RAB5A: variants seen among roughly 807,000 people sequenced by gnomAD.
The protein encoded by RAB5A is RAB5A, member RAS oncogene family.
Under a neutral mutation model 25.7 loss-of-function variants are expected in RAB5A, and 8 were observed. The observed-to-expected ratio is 0.31, with a 90% CI of 0.18 to 0.56. The LOEUF is 0.56. Ranked by LOEUF, RAB5A falls within the 20% of genes least tolerant of loss-of-function variation. The probability of loss-of-function intolerance (pLI) is 0.91; values close to 1 mark genes in which losing one functional copy is unlikely to be tolerated. For synonymous variants in RAB5A, 98 were observed against 89.8 expected (o/e 1.09, Z -0.52); for missense variants, 192 against 259.7 (o/e 0.74, Z 1.79).
intron 2 of RAB5A, among the ~76,000 whole-genome samples, chr3:19,957,043 G>A (rs1696514243): frequency 1.3e-5 from 2 of 148,860 alleles, no homozygotes; most frequent in Admixed American, 1.3e-4. Flanking sequence ...GCCTCAAGTG[G>A]TCCTCCCAGG....
At chr3:19,983,070 C>A (rs1431167604) in intron 5 of RAB5A, among the ~76,000 whole-genome samples, 1 of 152,160 alleles carries the variant, frequency 6.6e-6, no homozygotes, top group Non-Finnish European at 1.5e-5. Flanking sequence ...GGTGCCATGG[C>A]TCACGCCTAT....
chr3:19,975,557 AT>A (rs1190827001), intron 2 of RAB5A, 43 bp from the exon 3 acceptor site: 1 of 1,588,646 alleles, frequency 6.3e-7, no homozygotes, highest in Non-Finnish European at 8.6e-7. Context: ...TTATGAAAAC[AT>A]TTGGAGAAAA....
At chr3:19,977,916 G>T (rs1255670808) in intron 4 of RAB5A, among the ~76,000 whole-genome samples, 3 of 152,222 alleles carry the variant, frequency 2.0e-5, no homozygotes, top group South Asian at 4.1e-4. Context: ...TTTGAAGCCA[G>T]TGTTAGATAT....
rs750200645 is a variant in RAB5A at position 19,966,586 on chromosome 3, A to G, written c.164-9015A>G. ...AATTGCTGGATCATATGGTGATTCT[A>G]TCTTTAATATATTTGAGAAATCTCT... On this transcript the variant is annotated intron_variant, in intron 2 of 5. Coordinates refer to ENST00000273047, the MANE Select transcript of RAB5A (RefSeq NM_004162.5). 3.3e-5 allele frequency among the ~76,000 whole-genome samples: 5 copies of G among 152,192 alleles called. 1 individual carries two copies. In the South Asian group the frequency reaches 6.2e-4, roughly 19 times the overall value.
intron 2 of RAB5A, among the ~76,000 whole-genome samples, chr3:19,953,611 T>A (rs1258480772): frequency 6.6e-6 from 1 of 152,144 alleles, no homozygotes; most frequent in Non-Finnish European, 1.5e-5. Flanking sequence ...TTTCACCATG[T>A]CGGTCGGGTT....
chr3:19,957,939 T>G (rs1362992828), intron 2 of RAB5A, among the ~76,000 whole-genome samples: 1 of 152,058 alleles, frequency 6.6e-6, no homozygotes, highest in Admixed American at 6.5e-5. Context: ...AGCCAGAAAA[T>G]TTAAATCCAA....
rs1458399542 is a variant in RAB5A, at chr3:19,975,664, C to T, written c.227C>T (p.Thr76Ile). ...ACAGTAAAGTTTGAAATATGGGATA[C>T]AGCTGGTCAAGAACGATACCATAGC... ...DTTVKFEIWD[T>I]AGQERYHSLA... Residue 76 changes from threonine (T) to isoleucine (I), a missense_variant, in exon 3 of 6, where the codon ACA becomes ATA. By Grantham distance (89) the Thr-to-Ile change is moderately conservative (BLOSUM62 -1). Around this residue, in one of 3 missense-constraint regions of RAB5A, gnomAD observed 39 missense variants for 91.6 expected, o/e 0.43. Transcript: ENST00000273047. 6.2e-7 allele frequency: 1 copy of T among 1,613,850 alleles called. No individual in the cohort carries two copies. Among genetic ancestry groups the T allele is most frequent in the Non-Finnish European group, 8.5e-7 (1 of 1,179,864 alleles).
At chr3:19,977,342 A>G (rs7616422) in intron 4 of RAB5A, among the ~76,000 whole-genome samples, 109,500 of 152,080 alleles carry the variant, frequency 0.72, 40,092 homozygotes, top group Non-Finnish European at 0.77. Context: ...CAAAAGTGCT[A>G]GGATTACAGG....
At chr3:19,962,542 C>T (rs1483717186) in intron 2 of RAB5A, among the ~76,000 whole-genome samples, 1 of 151,908 alleles carries the variant, frequency 6.6e-6, no homozygotes, top group African/African-American at 2.4e-5. Flanking sequence ...GCATTTCAGC[C>T]TGGGCAACAG....
At chr3:19,975,998 G>C (rs4858121) in intron 3 of RAB5A, 49 bp from the exon 4 acceptor site, 917,817 of 1,578,724 alleles carry the variant, frequency 0.58, 276,838 homozygotes, top group Non-Finnish European at 0.63. Flanking sequence ...AAGATGCTTG[G>C]TAACCATTTT....
chr3:19,976,401 A>G (rs537618443), intron 4 of RAB5A, among the ~76,000 whole-genome samples: 2 of 152,286 alleles, frequency 1.3e-5, no homozygotes, highest in East Asian at 3.9e-4. Context: ...CTTAAACAAT[A>G]AAGGCCGGGT....
chr3:19,978,229 T>C, intron 4 of RAB5A, 81 bp from the exon 5 acceptor site: 1 of 921,888 alleles, frequency 1.1e-6, no homozygotes, highest in Non-Finnish European at 1.8e-6. Context: ...AAAGTCTCCT[T>C]TTCTATAACA....
chr3:19,975,447 C>G (rs530787211), intron 2 of RAB5A, 154 bp from the exon 3 acceptor site: 4 of 617,602 alleles, frequency 6.5e-6, no homozygotes, highest in Non-Finnish European at 1.0e-5. Context: ...TTTTTTTTCC[C>G]CCCTCATTTA....
intron 2 of RAB5A, among the ~76,000 whole-genome samples, chr3:19,953,532 C>T (rs1473936229): frequency 6.6e-6 from 1 of 151,888 alleles, no homozygotes; most frequent in African/African-American, 2.4e-5. Flanking sequence ...CTCAGCCCCC[C>T]AAGTAGCTGG....
chr3:19,971,213 A>AC (rs532249684), intron 2 of RAB5A, among the ~76,000 whole-genome samples: 45,228 of 146,210 alleles, frequency 0.31, 8,682 homozygotes, highest in Non-Finnish European at 0.44. Context: ...AAAAAAAAAA[A>AC]AACACTATAG....
chr3:19,974,724 A>AAAAAAAAAAG (rs1275887919), intron 2 of RAB5A, among the ~76,000 whole-genome samples: 1 of 151,588 alleles, frequency 6.6e-6, no homozygotes, highest in Non-Finnish European at 1.5e-5. Flanking sequence ...GTGTCTCAGA[A>AAAAAAAAAAG]AAAGAAAAAA....
intron 1 of RAB5A, chr3:19,947,826 T>C (rs2125175569): frequency 6.6e-6 from 1 of 152,620 alleles, no homozygotes; most frequent in Non-Finnish European, 1.5e-5. Context: ...CCGCCTGGTC[T>C]CCGTCCTGGC....
chr3:19,954,497 C>A (rs1244135477), intron 2 of RAB5A, among the ~76,000 whole-genome samples: 1 of 152,074 alleles, frequency 6.6e-6, no homozygotes, highest in Non-Finnish European at 1.5e-5. Context: ...TTGTGTGGTT[C>A]TTCCTAAATA....
intron 2 of RAB5A, among the ~76,000 whole-genome samples, chr3:19,962,645 A>G (rs556174480): frequency 7.2e-5 from 11 of 152,130 alleles, no homozygotes; most frequent in Non-Finnish European, 7.3e-5. Flanking sequence ...CTGTAACAGT[A>G]TTCCCTTGCA....
Sources: gnomAD v4.1 joint callset for allele counts (sites outside exome capture counted in the v4.1 genomes callset) on GRCh38, gnomAD v4.1.1 for gene constraint, gnomAD v4.1.1 regional missense constraint, MANE v1.5 for transcripts, NCBI Gene and HGNC (gene_info 2026-07-23, HGNC 2026-07-21) for gene names.